The following WNK3 variants were observed in gnomAD, a reference collection of about 807,000 sequenced individuals.
WNK3 encodes serine/threonine-protein kinase WNK3.
Under a neutral mutation model 116.7 loss-of-function variants are expected in WNK3, and 18 were observed. The ratio of observed to expected loss-of-function variants is 0.15; its 90% CI spans 0.11 to 0.23. The LOEUF (loss-of-function observed/expected upper bound fraction) is 0.23, where lower values mean the gene tolerates loss of function less well. Among genes scored for constraint, WNK3 ranks in the 10% least tolerant of loss-of-function variants. WNK3 has a pLI of 1.00. For synonymous variants in WNK3, 404 were observed against 469.4 expected (o/e 0.86, Z 1.80); for missense variants, 993 against 1,323.8 (o/e 0.75, Z 3.88).
intron 5 of WNK3, among the ~76,000 whole-genome samples, chrX:54,302,759 T>TATATATA (rs1569538447): frequency 2.4e-4 from 3 of 12,626 alleles, no homozygotes; most frequent in Non-Finnish European, 3.0e-4. Context: ...ATATATATAT[T>TATATATA]TTTTTTTTTT....
chrX:54,262,697 G>A (rs2068268642), intron 10 of WNK3, among the ~76,000 whole-genome samples: 1 of 110,064 alleles, frequency 9.1e-6, no homozygotes, highest in African/African-American at 3.3e-5. Context: ...CACATTGGGA[G>A]GCTGCACTTT....
intron 10 of WNK3, among the ~76,000 whole-genome samples, chrX:54,268,238 G>A (rs2147004169): frequency 9.0e-6 from 1 of 110,977 alleles, no homozygotes; most frequent in African/African-American, 3.3e-5. Context: ...AAAGGAATAA[G>A]GGGGAGGCTG....
Position 54,325,282 on chromosome X carries a change from T to C in WNK3, c.537+7855A>G, listed in dbSNP as rs782529867. 5.6e-4 allele frequency among the ~76,000 whole-genome samples: 63 copies of C among 111,595 alleles called. 1 individual carries two copies. The South Asian group carries it at 0.022, about 40-fold the overall frequency. ...TTACCCTCCAAAGTACACAATCACA[T>C]ATCTGACCACAGAGTGAGGCTTATT... is the stretch of plus-strand genomic sequence containing the variant. On this transcript the variant is annotated intron_variant, in intron 2 of 23. Transcript: ENST00000354646.
At chrX:54,261,329 T>C (rs782282349) in intron 10 of WNK3, among the ~76,000 whole-genome samples, 123 of 110,871 alleles carry the variant, frequency 1.1e-3, no homozygotes, top group African/African-American at 2.8e-3. Flanking sequence ...CCCTTGGATA[T>C]GGAGGGCTGA....
At chrX:54,355,590 G>A (rs1037471136) in intron 1 of WNK3, among the ~76,000 whole-genome samples, 9 of 109,885 alleles carry the variant, frequency 8.2e-5, no homozygotes, top group Non-Finnish European at 1.7e-4. Context: ...AGGGGAGGGG[G>A]AGAGAGAGCA....
intron 1 of WNK3, among the ~76,000 whole-genome samples, chrX:54,341,731 A>C (rs1258296410): frequency 8.9e-6 from 1 of 112,118 alleles, no homozygotes; most frequent in Non-Finnish European, 1.9e-5. Context: ...ATTTATATGA[A>C]ATGTCCAGAA....
chrX:54,338,930 A>C (rs781893310), intron 1 of WNK3, among the ~76,000 whole-genome samples: 50 of 104,883 alleles, frequency 4.8e-4, no homozygotes, highest in Non-Finnish European at 8.2e-4. Context: ...TGAATCTGGG[A>C]GGCAGAGGCT....
chrX:54,236,548 A>G (rs1481561833), intron 20 of WNK3, among the ~76,000 whole-genome samples: 1 of 111,633 alleles, frequency 9.0e-6, no homozygotes, highest in Non-Finnish European at 1.9e-5. Context: ...CCAAATAATA[A>G]GCTTGATCTT....
At chrX:54,241,857 G>A (rs1453428188) in intron 17 of WNK3, among the ~76,000 whole-genome samples, 1 of 109,350 alleles carries the variant, frequency 9.1e-6, no homozygotes, top group African/African-American at 3.3e-5. Context: ...GGGAGGCTGA[G>A]GCAGGAGAAT....
At chrX:54,351,949 A>C (rs2069522070) in intron 1 of WNK3, among the ~76,000 whole-genome samples, 1 of 111,994 alleles carries the variant, frequency 8.9e-6, no homozygotes, top group Non-Finnish European at 1.9e-5. Context: ...ATAAAGCAGA[A>C]AGACAATTCA....
chrX:54,313,083 T>C (rs1430516132), intron 2 of WNK3, among the ~76,000 whole-genome samples: 1 of 111,147 alleles, frequency 9.0e-6, no homozygotes, highest in Non-Finnish European at 1.9e-5. Context: ...ATTTTCATTT[T>C]CATTTTCAGT....
intron 1 of WNK3, among the ~76,000 whole-genome samples, chrX:54,348,237 C>T (rs1351428886): frequency 5.5e-5 from 6 of 109,704 alleles, no homozygotes; most frequent in African/African-American, 1.0e-4. Context: ...AGTGCAGTGG[C>T]GTGATCTCAG....
At chrX:54,230,495 T>TA (rs2067888848) in intron 21 of WNK3, among the ~76,000 whole-genome samples, 1 of 111,833 alleles carries the variant, frequency 8.9e-6, no homozygotes, top group Non-Finnish European at 1.9e-5. Flanking sequence ...TTGGATTGGC[T>TA]AAAAAAAGAA....
chrX:54,358,362 GAA>G (rs2147374711), upstream of WNK3, among the ~76,000 whole-genome samples: 1 of 110,241 alleles, frequency 9.1e-6, no homozygotes, highest in South Asian at 4.0e-4. Flanking sequence ...CAGAGAAGAA[GAA>G]GAAGAAGAAA....
chrX:54,232,264 C>A (rs962209162), intron 21 of WNK3, among the ~76,000 whole-genome samples: 5 of 109,741 alleles, frequency 4.6e-5, no homozygotes, highest in African/African-American at 1.7e-4. Flanking sequence ...ATCTCAGCCT[C>A]CTGAGTAGCT....
At chrX:54,342,434 C>G (rs552788571) in intron 1 of WNK3, among the ~76,000 whole-genome samples, 195 of 108,372 alleles carry the variant, frequency 1.8e-3, no homozygotes, top group African/African-American at 6.1e-3. Context: ...GGCGTGGTGG[C>G]GGGCACCTGT....
chrX:54,278,005 G>C (rs782554082), intron 10 of WNK3, among the ~76,000 whole-genome samples: 3 of 108,127 alleles, frequency 2.8e-5, no homozygotes, highest in Non-Finnish European at 5.7e-5. Flanking sequence ...GTGGTGGGAG[G>C]ATTGCTCGAG....
At chrX:54,197,476 A>G (rs782670986) in exon 24 of WNK3, 4 of 111,313 alleles carry the variant, frequency 3.6e-5, no homozygotes, top group African/African-American at 1.3e-4. Context: ...AATTATTGTA[A>G]TTTTTTGGGG....
chrX:54,237,456 T>G, exon 20 of WNK3: 2 of 1,205,569 alleles, frequency 1.7e-6, no homozygotes, highest in Non-Finnish European at 2.2e-6. Context: ...TAATAAAGGC[T>G]TCTTCACTAG....
Sources: allele counts gnomAD v4.1 joint callset (sites outside exome capture counted in the v4.1 genomes callset), GRCh38; gene constraint gnomAD v4.1.1; transcripts MANE v1.5; gene names NCBI Gene and HGNC (gene_info 2026-07-23, HGNC 2026-07-21).